MPND: variants seen among roughly 807,000 people sequenced by gnomAD.
MPND encodes MPN domain-containing protein.
In MPND, 56 loss-of-function variants were observed where a neutral mutation model predicts 59.2. The observed-to-expected ratio is 0.95, with a 90% CI of 0.76 to 1.18. The LOEUF (loss-of-function observed/expected upper bound fraction) is 1.18, where lower values mean the gene tolerates loss of function less well. Among genes scored for constraint, MPND ranks in the 50% most tolerant of loss-of-function variants. MPND has a pLI of 0.00. For synonymous variants in MPND, 323 were observed against 291.9 expected (o/e 1.11, Z -1.09); for missense variants, 671 against 676.0 (o/e 0.99, Z 0.08).
rs191876093 is a variant in MPND, at chr19:4,358,492, A to G, written c.1326+320A>G. On this transcript the variant is annotated intron_variant, in intron 11 of 12. Coordinates refer to ENST00000599840, the MANE Select transcript of MPND (RefSeq NM_001300862.2). ...AAAATTGTGTGTTCAACATGCATTT[A>G]AAACACTAAACTAAGGCAGACATAG... 8.6e-5 allele frequency: 28 copies of G among 325,934 alleles called. No homozygotes were observed. The Admixed American group carries it at 1.2e-3, about 14-fold the overall frequency. 20.2% of individuals were successfully genotyped at this position (325,934 alleles called of 1,614,324 possible). A position where few individuals can be genotyped will look rare whatever the true frequency, so the allele number is the denominator to read the frequency against.
At position 4,343,880 on chromosome 19, in the gene MPND, G is replaced by GGGGGGCTGCGGCGGGCCC. The variant is rs1972126528; in HGVS notation, c.187_204dup (p.Cys63_Gly68dup). The GGGGGGCTGCGGCGGGCCC allele has an allele frequency of 1.6e-6, 2 of 1,231,030 alleles. No individual in the cohort carries two copies. The highest frequency in any genetic ancestry group is 3.3e-5 in the East Asian group (1 of 30,124). 76.3% of individuals were successfully genotyped at this position (1,231,030 alleles called of 1,614,324 possible). A position where few individuals can be genotyped will look rare whatever the true frequency, so the allele number is the denominator to read the frequency against. ...GAGGCGGCGGCGGCGGGGCCGGGGC[G>GGGGGGCTGCGGCGGGCCC]GGGGGCTGCGGCGGGCCCGGGGGCG... On this transcript the variant is annotated inframe_insertion, in exon 2 of 13. Coordinates refer to ENST00000599840, the MANE Select transcript of MPND (RefSeq NM_001300862.2).
chr19:4,344,735 CTTTTT>C (rs369442146), intron 2 of MPND, among the ~76,000 whole-genome samples: 4 of 126,982 alleles, frequency 3.2e-5, no homozygotes, highest in African/African-American at 9.1e-5. Context: ...GGTATTAGTA[CTTTTT>C]TTTTTTTTTT....
intron 3 of MPND, 62 bp from the exon 4 acceptor site, chr19:4,352,835 A>T: frequency 7.9e-7 from 1 of 1,265,640 alleles, no homozygotes; most frequent in Non-Finnish European, 9.9e-7. Context: ...GGGATTTAGC[A>T]GGGAGCGGGG....
At chr19:4,357,712 A>G in intron 10 of MPND, 127 bp downstream of exon 10, 1 of 897,506 alleles carries the variant, frequency 1.1e-6, no homozygotes, top group East Asian at 2.6e-5. Context: ...CCATCTATGA[A>G]ATGGGGACGT....
At chr19:4,350,310 G>C (rs12985506) in intron 3 of MPND, among the ~76,000 whole-genome samples, 1 of 152,188 alleles carries the variant, frequency 6.6e-6, no homozygotes, top group Non-Finnish European at 1.5e-5. Context: ...AGGTCATGCA[G>C]GGCTCTGTAG....
chr19:4,359,274 C>A lies in MPND; in HGVS notation c.1419+19C>A. Reference sequence around the variant, plus strand: ...GCTTAAGGTGAGCCCCAAGTCCCCGCAGACCTCCTAACGGGGCCCCAGGAG... The same window carrying A: ...GCTTAAGGTGAGCCCCAAGTCCCCGAAGACCTCCTAACGGGGCCCCAGGAG... On this transcript the variant is annotated intron_variant, in intron 12 of 12. Coordinates refer to ENST00000599840, the MANE Select transcript of MPND (RefSeq NM_001300862.2). 2 of 1,601,514 alleles carry A rather than the reference C, an allele frequency of 1.2e-6. No homozygotes were observed. The highest frequency in any genetic ancestry group is 1.7e-6 in the Non-Finnish European group (2 of 1,169,836).
intron 2 of MPND, among the ~76,000 whole-genome samples, chr19:4,344,859 C>A (rs1391985873): frequency 1.4e-5 from 2 of 147,178 alleles, no homozygotes; most frequent in Non-Finnish European, 3.0e-5. Context: ...GCCTCAGCCT[C>A]CCGAGTAGCT....
chr19:4,354,240 G>GGAT, intron 5 of MPND, 84 bp from the exon 6 acceptor site: 1 of 1,488,804 alleles, frequency 6.7e-7, no homozygotes, highest in Non-Finnish European at 9.2e-7. Flanking sequence ...GATCCTCAGA[G>GGAT]CTGTGGGGTT....
chr19:4,345,921 G>A lies in MPND; in HGVS notation c.471G>A (p.Lys157=), dbSNP rs1343206671. The change falls in exon 3 of 13, where the codon AAG becomes AAA. Residue 157 remains lysine (K), a synonymous_variant. Coordinates refer to ENST00000599840, the MANE Select transcript of MPND (RefSeq NM_001300862.2). ...AGTACAAAGGCCAGAAACTGGACAA[G>A]TACAAGGCCACCTGGCTCCGGCTGC... is the stretch of plus-strand genomic sequence containing the variant. ...SVKYKGQKLD[K]YKATWLRLHQ... is the part of the protein sequence containing the mutation. 5.6e-6 allele frequency: 9 copies of A among 1,613,656 alleles called. No homozygotes were observed. The highest frequency in any genetic ancestry group is 5.3e-5 in the African/African-American group (4 of 74,930).
Position 4,353,074 on chromosome 19 carries a change from T to C in MPND, c.664+45T>C, listed in dbSNP as rs768882759. The C allele has an allele frequency of 9.9e-6, 13 of 1,311,756 alleles. No individual in the cohort carries two copies. The South Asian group carries it at 2.8e-4, about 28-fold the overall frequency. The allele number at this position is 1,311,756 out of a possible 1,614,324, so 81.3% of individuals were successfully genotyped here. A position where few individuals can be genotyped will look rare whatever the true frequency, so the allele number is the denominator to read the frequency against. ...GAGGCAGGACAGGGGCGGATACAGC[T>C]CGGGTTGGGGAGGAGACTGGGGAGA... On this transcript the variant is annotated intron_variant, in intron 4 of 12. Coordinates refer to ENST00000599840, the MANE Select transcript of MPND (RefSeq NM_001300862.2).
At chr19:4,344,735 CTTTT>C (rs369442146) in intron 2 of MPND, among the ~76,000 whole-genome samples, 4 of 126,974 alleles carry the variant, frequency 3.2e-5, no homozygotes, top group African/African-American at 3.0e-5. Flanking sequence ...GGTATTAGTA[CTTTT>C]TTTTTTTTTT....
At chr19:4,343,629 C>CGAGGCGCGGGGCTGCA in intron 1 of MPND, 29 bp downstream of exon 1, 1 of 1,188,440 alleles carries the variant, frequency 8.4e-7, no homozygotes. Flanking sequence ...GGCGGAGGCG[C>CGAGGCGCGGGGCTGCA]GGGGCGCGGG....
chr19:4,346,195 C>T (rs919574569), intron 3 of MPND, among the ~76,000 whole-genome samples: 3 of 152,072 alleles, frequency 2.0e-5, no homozygotes, highest in African/African-American at 7.2e-5. Context: ...AGGAGTTTGT[C>T]AGAGCAAGTT....
At chr19:4,357,977 CG>C (rs1376465301) in intron 10 of MPND, 105 bp from the exon 11 acceptor site, 2 of 869,590 alleles carry the variant, frequency 2.3e-6, no homozygotes, top group Non-Finnish European at 3.7e-6. Context: ...AGAGCTGAGC[CG>C]GGGTGTGCAC....
At position 4,355,646 on chromosome 19, in the gene MPND, T is replaced by C. The variant is rs1408090069; in HGVS notation, c.996+473T>C. On this transcript the variant is annotated intron_variant, in intron 8 of 12. Coordinates refer to ENST00000599840, the MANE Select transcript of MPND (RefSeq NM_001300862.2). ...CACCGTGCCCAGCTAATTTTTTGTA[T>C]TTTTAGTAGAGACAGGGTTTCACCA... Among the ~76,000 whole-genome samples, 3 of 151,344 alleles carry C rather than the reference T, an allele frequency of 2.0e-5. No homozygotes were observed. The East Asian group carries it at 5.9e-4, about 30-fold the overall frequency.
rs2144847050 is a variant in MPND at position 4,360,041 on chromosome 19, TC to T, written c.*41del. The T allele has an allele frequency of 6.6e-7, 1 of 1,514,644 alleles. No individual in the cohort carries two copies. Among genetic ancestry groups the T allele is most frequent in the East Asian group, 2.5e-5 (1 of 40,596 alleles). The allele number at this position is 1,514,644 out of a possible 1,614,324, so 93.8% of individuals were successfully genotyped here. Reference sequence around the variant, plus strand: ...GGGTGGGCTCCAGTTGTCTTGAGGGTCCGGATGGGCTCAGGTAATAAAGAAA... The same window carrying T: ...GGGTGGGCTCCAGTTGTCTTGAGGGTCGGATGGGCTCAGGTAATAAAGAAA... On this transcript the variant is annotated 3_prime_UTR_variant, in exon 13 of 13. Coordinates refer to ENST00000599840, the MANE Select transcript of MPND (RefSeq NM_001300862.2).
At position 4,359,981 on chromosome 19, in the gene MPND, C is replaced by G. The variant is rs370701936; in HGVS notation, c.1485C>G (p.Gly495=). ...GTCACGTCCTGGAACAGGTGTGCGG[C>G]GTCCTCAAGCAGGGGAGCTGAGCCT... ...SLCHVLEQVC[G]VLKQGS Residue 495 remains glycine (G), a synonymous_variant, in exon 13 of 13, where the codon GGC becomes GGG. Coordinates refer to ENST00000599840, the MANE Select transcript of MPND (RefSeq NM_001300862.2). The G allele has an allele frequency of 6.4e-7, 1 of 1,566,910 alleles. No individual in the cohort carries two copies. Among genetic ancestry groups the G allele is most frequent in the South Asian group, 1.2e-5 (1 of 85,166 alleles).
chr19:4,357,428 G>A lies in MPND; in HGVS notation c.1165+7G>A, dbSNP rs752107835. The A allele has an allele frequency of 9.9e-6, 16 of 1,611,146 alleles. No homozygotes were observed. The Middle Eastern group carries it at 6.6e-4, about 66-fold the overall frequency. On this transcript the variant is annotated splice_region_variant and intron_variant, in intron 9 of 12. Transcript: ENST00000599840. ...TGCCTCGCCCTGCTCTGCTGTACGC[G>A]GGATGGGGCTGTGGGGGGAGCAAGG...
intron 6 of MPND, 70 bp downstream of exon 6, chr19:4,354,490 CCT>C (rs1972391237): frequency 8.1e-7 from 1 of 1,231,906 alleles, no homozygotes; most frequent in African/African-American, 1.5e-5. Flanking sequence ...GCGGGGCTCC[CCT>C]GCGTATCAGC....
Sources: allele counts gnomAD v4.1 joint callset (sites outside exome capture counted in the v4.1 genomes callset), GRCh38; gene constraint gnomAD v4.1.1; transcripts MANE v1.5; gene names NCBI Gene and HGNC (gene_info 2026-07-23, HGNC 2026-07-21).